EYA4: variants seen among roughly 807,000 people sequenced by gnomAD.
EYA4 encodes the protein EYA transcriptional coactivator and phosphatase 4.
Under a neutral mutation model 87.9 loss-of-function variants are expected in EYA4, and 31 were observed. The ratio of observed to expected loss-of-function variants is 0.35; its 90% confidence interval spans 0.27 to 0.48. The LOEUF is 0.48. Among genes scored for constraint, EYA4 ranks in the 20% least tolerant of loss-of-function variants. EYA4 has a pLI of 0.99. For missense variants in EYA4, 678 were observed against 761.4 expected, an observed-to-expected ratio of 0.89 and a Z score of 1.29; for synonymous variants, 263 against 270.6, an observed-to-expected ratio of 0.97 and a Z score of 0.28.
chr6:133,499,345 G>A (rs918343438), intron 13 of EYA4, among the ~76,000 whole-genome samples: 2 of 152,122 alleles, frequency 1.3e-5, no homozygotes, highest in African/African-American at 4.8e-5. Context: ...TGGGCCCTGT[G>A]CTTTCTAGCC....
At chr6:133,512,606 G>A in intron 14 of EYA4, 115 bp from the exon 15 acceptor site, 1 of 822,146 alleles carries the variant, frequency 1.2e-6, no homozygotes, top group African/African-American at 1.7e-5. Context: ...AGATGGACGG[G>A]CACATGCTGC....
chr6:133,415,950 C>T (rs937184386), intron 3 of EYA4, among the ~76,000 whole-genome samples: 3 of 152,198 alleles, frequency 2.0e-5, no homozygotes, highest in African/African-American at 7.2e-5. Context: ...TAAACACTTC[C>T]AGCAAATGGT....
At chr6:133,335,326 C>T (rs1272623477) in intron 2 of EYA4, among the ~76,000 whole-genome samples, 2 of 152,154 alleles carry the variant, frequency 1.3e-5, no homozygotes. Context: ...TTTATATACA[C>T]TTTCATTCTA....
At position 133,268,584 on chromosome 6, in the gene EYA4, T is replaced by G. The variant is rs548891610; in HGVS notation, c.-65-6132T>G. Among the ~76,000 whole-genome samples the G allele has an allele frequency of 1.1e-4, 17 of 152,332 alleles. No individual in the cohort carries two copies. In the South Asian group the frequency reaches 3.5e-3, roughly 32 times the overall value. On this transcript the variant is annotated intron_variant, in intron 1 of 19. Transcript: ENST00000355286. ...GCAGGTGTCAAGTCTTGGGCAGCTC[T>G]GTGCCTGCTGACCAGTGGCCAGCAC... is the stretch of plus-strand genomic sequence containing the variant.
chr6:133,302,735 G>A (rs868478357), intron 2 of EYA4, among the ~76,000 whole-genome samples: 11 of 152,120 alleles, frequency 7.2e-5, no homozygotes, highest in African/African-American at 2.7e-4. Flanking sequence ...ACAGATGATA[G>A]TGTTATTATA....
At chr6:133,403,151 G>C (rs1788407924) in intron 3 of EYA4, among the ~76,000 whole-genome samples, 1 of 151,516 alleles carries the variant, frequency 6.6e-6, no homozygotes, top group Admixed American at 6.6e-5. Context: ...CATGAACATT[G>C]TGTGGTTCAA....
intron 6 of EYA4, among the ~76,000 whole-genome samples, chr6:133,458,046 A>T (rs963529277): frequency 2.6e-5 from 4 of 152,126 alleles, no homozygotes; most frequent in Non-Finnish European, 4.4e-5. Context: ...TGTCCTTATG[A>T]TCAGTCCCTG....
intron 2 of EYA4, among the ~76,000 whole-genome samples, chr6:133,333,962 A>T (rs1782174171): frequency 6.6e-6 from 1 of 152,156 alleles, no homozygotes; most frequent in Admixed American, 6.6e-5. Context: ...TACTAAGGAA[A>T]TCTTTCTTTT....
At chr6:133,247,334 C>T (rs1179226726) in intron 1 of EYA4, 1 of 152,186 alleles carries the variant, frequency 6.6e-6, no homozygotes, top group Non-Finnish European at 1.5e-5. Context: ...GTGGAATCTT[C>T]CTTTGCTCTT....
chr6:133,521,970 TG>T (rs1394326456), intron 17 of EYA4, among the ~76,000 whole-genome samples: 2 of 79,570 alleles, frequency 2.5e-5, no homozygotes, highest in African/African-American at 9.6e-5. Context: ...TGTTGTGGGG[TG>T]GGGGGAGGGG....
Position 133,426,119 on chromosome 6 carries a change from A to C in EYA4, c.84-20511A>C, listed in dbSNP as rs1476794578. Among the ~76,000 whole-genome samples the C allele has an allele frequency of 1.3e-5, 2 of 151,086 alleles. 1 individual carries two copies. Among genetic ancestry groups the C allele is most frequent in the African/African-American group, 4.9e-5 (2 of 40,488 alleles). On this transcript the variant is annotated intron_variant, in intron 3 of 19. Transcript: ENST00000355286. ...TTATCTCCTGCATACATGTACATTT[A>C]CAGAAAACTCAGTAAAGTTAACCAC...
intron 2 of EYA4, among the ~76,000 whole-genome samples, chr6:133,333,527 C>CT (rs1246105138): frequency 6.6e-6 from 1 of 152,174 alleles, no homozygotes. Context: ...TATTAATTGA[C>CT]TAAGACATTA....
intron 2 of EYA4, among the ~76,000 whole-genome samples, chr6:133,358,487 A>T (rs577968648): frequency 7.6e-4 from 116 of 152,366 alleles, no homozygotes; most frequent in African/African-American, 2.8e-3. Flanking sequence ...AGTGAAAAGG[A>T]ATCATCGAAT....
chr6:133,387,401 T>G (rs1583140246), intron 3 of EYA4, among the ~76,000 whole-genome samples: 3 of 152,170 alleles, frequency 2.0e-5, no homozygotes, highest in Admixed American at 1.3e-4. Context: ...TCTAGCCCAA[T>G]ATTCTGTCTC....
At chr6:133,472,896 A>T (rs1444421990) in intron 11 of EYA4, among the ~76,000 whole-genome samples, 1 of 149,314 alleles carries the variant, frequency 6.7e-6, no homozygotes, top group Non-Finnish European at 1.5e-5. Flanking sequence ...AGTCTGTTTT[A>T]TCAGAGACTA....
At chr6:133,382,249 G>A (rs1045888554) in intron 2 of EYA4, 143 bp from the exon 3 acceptor site, 1 of 733,922 alleles carries the variant, frequency 1.4e-6, no homozygotes, top group Non-Finnish European at 2.5e-6. Flanking sequence ...ACACTATTTA[G>A]TACTGTATGC....
At chr6:133,431,829 A>G (rs555584416) in intron 3 of EYA4, among the ~76,000 whole-genome samples, 1 of 152,312 alleles carries the variant, frequency 6.6e-6, no homozygotes, top group Non-Finnish European at 1.5e-5. Context: ...TTTATGCAAT[A>G]TTTAAAAACT....
intron 11 of EYA4, among the ~76,000 whole-genome samples, chr6:133,477,258 G>A (rs535281868): frequency 1.2e-4 from 18 of 152,104 alleles, no homozygotes; most frequent in Non-Finnish European, 1.9e-4. Context: ...ATTTCTGTCC[G>A]CCACAGTGTC....
chr6:133,417,449 G>A (rs570706208), intron 3 of EYA4, among the ~76,000 whole-genome samples: 105 of 152,262 alleles, frequency 6.9e-4, no homozygotes, highest in African/African-American at 2.5e-3. Context: ...CCTGAATAGG[G>A]TGGAGTGAAT....
Sources: allele counts gnomAD v4.1 joint callset (sites outside exome capture counted in the v4.1 genomes callset), GRCh38; gene constraint gnomAD v4.1.1; transcripts MANE v1.5; gene names NCBI Gene and HGNC (gene_info 2026-07-23, HGNC 2026-07-21).